LIN54: variants seen among roughly 807,000 people sequenced by gnomAD.
LIN54 encodes lin-54 DREAM MuvB core complex component.
A neutral mutation model predicts 78.7 loss-of-function variants in LIN54; 9 were observed. That is an observed-to-expected ratio of 0.11 (90% CI 0.07 to 0.20). The LOEUF is 0.20. LIN54 is among the 10% of genes least tolerant of loss of function. LIN54 has a pLI of 1.00. For missense variants in LIN54, 573 were observed against 889.9 expected (o/e 0.64, Z 4.53); for synonymous variants, 269 against 318.4 (o/e 0.84, Z 1.65).
chr4:82,992,960 G>A (rs920451918), intron 1 of LIN54, among the ~76,000 whole-genome samples: 11 of 150,962 alleles, frequency 7.3e-5, no homozygotes, highest in South Asian at 4.2e-4. Flanking sequence ...CCCAGGAGGC[G>A]GAGCTTGCAG....
At chr4:83,002,790 C>T (rs1030514868) in intron 1 of LIN54, among the ~76,000 whole-genome samples, 6 of 152,060 alleles carry the variant, frequency 3.9e-5, no homozygotes, top group South Asian at 2.1e-4. Flanking sequence ...AATAAATATA[C>T]AAAATATGTG....
intron 1 of LIN54, among the ~76,000 whole-genome samples, chr4:82,995,316 A>C (rs943154727): frequency 2.6e-5 from 4 of 151,252 alleles, no homozygotes; most frequent in Non-Finnish European, 5.9e-5. Flanking sequence ...GAAAAAAATT[A>C]ATTTAATTTA....
At chr4:82,994,017 G>A (rs914007636) in intron 1 of LIN54, among the ~76,000 whole-genome samples, 1 of 152,072 alleles carries the variant, frequency 6.6e-6, no homozygotes, top group East Asian at 1.9e-4. Context: ...TACACAAAAA[G>A]TCTGTCAACT....
intron 1 of LIN54, among the ~76,000 whole-genome samples, chr4:82,992,943 G>A (rs1425358235): frequency 6.6e-6 from 1 of 151,324 alleles, no homozygotes; most frequent in Non-Finnish European, 1.5e-5. Context: ...CAGGAGAATG[G>A]CGTGAACCCA....
At chr4:82,973,930 G>C (rs963093622) in intron 3 of LIN54, among the ~76,000 whole-genome samples, 2 of 152,186 alleles carry the variant, frequency 1.3e-5, no homozygotes, top group African/African-American at 4.8e-5. Context: ...AAAAATAGGA[G>C]CAGGGCACAG....
chr4:82,955,138 G>A (rs1578536212), intron 4 of LIN54, among the ~76,000 whole-genome samples: 2 of 151,952 alleles, frequency 1.3e-5, no homozygotes, highest in South Asian at 2.1e-4. Context: ...TAGAGAGGCC[G>A]AAGGAGGCGG....
At chr4:82,989,634 T>C (rs1028110436) in intron 1 of LIN54, among the ~76,000 whole-genome samples, 4 of 152,152 alleles carry the variant, frequency 2.6e-5, no homozygotes, top group African/African-American at 9.7e-5. Context: ...TTGGTCCCCA[T>C]AAGGACACAC....
chr4:82,936,206 C>T, intron 10 of LIN54, 73 bp downstream of exon 10: 1 of 1,555,980 alleles, frequency 6.4e-7, no homozygotes. Flanking sequence ...CGTTTCTTTG[C>T]AAGACAATTG....
At chr4:82,999,587 G>C (rs962201942) in intron 1 of LIN54, among the ~76,000 whole-genome samples, 1 of 151,784 alleles carries the variant, frequency 6.6e-6, no homozygotes, top group Non-Finnish European at 1.5e-5. Flanking sequence ...GACCAGCCTG[G>C]CCAATATGGT....
At position 82,987,302 on chromosome 4, in the gene LIN54, T is replaced by A. The variant is rs746968091; in HGVS notation, c.-32-2426A>T. The stretch of plus-strand genomic sequence containing the variant: ...TGAGACTTTGTCTCAAAAATTTTTT[T>A]AAAAAGATGCCACAGTTAATAACCT... On this transcript the variant is annotated intron_variant, in intron 1 of 12. Coordinates refer to ENST00000340417, the MANE Select transcript of LIN54 (RefSeq NM_194282.4). Among the ~76,000 whole-genome samples the A allele has an allele frequency of 2.7e-4, 41 of 152,086 alleles. 1 individual carries two copies. Among genetic ancestry groups the A allele is most frequent in the Non-Finnish European group, 5.3e-4 (36 of 68,000 alleles).
intron 4 of LIN54, among the ~76,000 whole-genome samples, chr4:82,962,688 C>T (rs997635038): frequency 1.3e-5 from 2 of 149,804 alleles, no homozygotes; most frequent in African/African-American, 4.9e-5. Context: ...AAAAAAAAAT[C>T]ACAAATGAAG....
At chr4:82,947,436 G>C (rs1422213408) in intron 4 of LIN54, among the ~76,000 whole-genome samples, 12 of 124,476 alleles carry the variant, frequency 9.6e-5, no homozygotes, top group Non-Finnish European at 2.1e-4. Context: ...GTGTGTGTGT[G>C]TGTTAGACAC....
At chr4:82,930,239 T>C (rs1721841602) in intron 12 of LIN54, among the ~76,000 whole-genome samples, 1 of 152,218 alleles carries the variant, frequency 6.6e-6, no homozygotes, top group African/African-American at 2.4e-5. Flanking sequence ...GCAAGGCTCA[T>C]TCCATTTAAT....
At chr4:82,930,887 A>G in intron 12 of LIN54, 56 bp downstream of exon 12, 2 of 1,541,166 alleles carry the variant, frequency 1.3e-6, no homozygotes, top group Non-Finnish European at 8.9e-7. Context: ...CCCTGAAAAG[A>G]AACTTTACCA....
Position 82,997,528 on chromosome 4 carries a change from GC to G in LIN54, c.-32-12653del, listed in dbSNP as rs143827725. On this transcript the variant is annotated intron_variant, in intron 1 of 12. Coordinates refer to ENST00000340417, the MANE Select transcript of LIN54 (RefSeq NM_194282.4). Reference sequence around the variant, plus strand: ...TTATGGGAAATTAATCAAAGACCTTGCCCTCAAAGAGCCTAGAAATAAATAG... The same window carrying G: ...TTATGGGAAATTAATCAAAGACCTTGCCTCAAAGAGCCTAGAAATAAATAG... Among the ~76,000 whole-genome samples, 170 of 152,028 alleles carry G rather than the reference GC, an allele frequency of 1.1e-3. 1 individual carries two copies. Among genetic ancestry groups the G allele is most frequent in the African/African-American group, 4.0e-3 (165 of 41,496 alleles).
At chr4:82,954,929 T>C (rs1479858853) in intron 4 of LIN54, among the ~76,000 whole-genome samples, 1 of 152,090 alleles carries the variant, frequency 6.6e-6, no homozygotes, top group African/African-American at 2.4e-5. Flanking sequence ...TAACCTTGAG[T>C]TTAGCTCTAT....
At chr4:82,988,582 C>A (rs560005205) in intron 1 of LIN54, among the ~76,000 whole-genome samples, 1 of 152,266 alleles carries the variant, frequency 6.6e-6, no homozygotes, top group Non-Finnish European at 1.5e-5. Context: ...CTAGGTGAAT[C>A]ACATGGTAAG....
intron 2 of LIN54, among the ~76,000 whole-genome samples, chr4:82,983,440 C>A (rs1171393450): frequency 2.0e-5 from 3 of 152,044 alleles, no homozygotes; most frequent in Admixed American, 2.0e-4. Flanking sequence ...ATAATAGGTA[C>A]CATTATGAAA....
chr4:82,937,150 A>G, intron 9 of LIN54, 77 bp downstream of exon 9: 2 of 805,096 alleles, frequency 2.5e-6, no homozygotes, highest in Non-Finnish European at 2.3e-6. Flanking sequence ...TCTGCTAAAA[A>G]TTTTTAGTTA....
Sources: allele counts gnomAD v4.1 joint callset (sites outside exome capture counted in the v4.1 genomes callset), GRCh38; gene constraint gnomAD v4.1.1; transcripts MANE v1.5; gene names NCBI Gene and HGNC (gene_info 2026-07-23, HGNC 2026-07-21).